Variants in FAM177A1 observed in about 807,000 individuals in gnomAD.
The protein encoded by FAM177A1 is family with sequence similarity 177 member A1.
Under a neutral mutation model 26.1 loss-of-function variants are expected in FAM177A1, and 22 were observed. The observed-to-expected ratio is 0.84, with a 90% CI of 0.60 to 1.20. FAM177A1 has a LOEUF of 1.20. Among genes scored for constraint, FAM177A1 ranks in the 50% most tolerant of loss-of-function variants. FAM177A1 has a pLI of 0.00. For missense variants in FAM177A1, 296 were observed against 291.1 expected (o/e 1.02, Z -0.12); for synonymous variants, 95 against 99.3 (o/e 0.96, Z 0.26).
rs2044865817 is a variant in FAM177A1, at chr14:35,046,508, C to T, written c.45C>T (p.Ala15=). The T allele has an allele frequency of 1.2e-6, 2 of 1,602,922 alleles. No individual in the cohort carries two copies. The highest frequency in any genetic ancestry group is 1.3e-5 in the African/African-American group (1 of 74,310). The part of the protein sequence containing the change: ...LPAITLFLTS[A]SSPVVATTMD... Reference sequence around the variant, plus strand: ...CCATTACCCTCTTTCTCACCAGCGCCAGCAGCCCTGTGGTGGCGACGACGA... The same window carrying T: ...CCATTACCCTCTTTCTCACCAGCGCTAGCAGCCCTGTGGTGGCGACGACGA... Residue 15 remains alanine (A), a synonymous_variant, in exon 1 of 5, where the codon GCC becomes GCT. Coordinates refer to ENST00000280987, the MANE Select transcript of FAM177A1 (RefSeq NM_173607.5).
rs1376674632 is a variant in FAM177A1, at chr14:35,071,608, A to G, written c.340-5542A>G. On this transcript the variant is annotated intron_variant, in intron 2 of 4. Coordinates refer to ENST00000280987, the MANE Select transcript of FAM177A1 (RefSeq NM_173607.5). ...AAAGGGCCCTATATATTCATTCTGT[A>G]TAGTTGTGTGGGATGATGATAAATG... is the stretch of plus-strand genomic sequence containing the variant. Among the ~76,000 whole-genome samples, 4 of 152,252 alleles carry G rather than the reference A, an allele frequency of 2.6e-5. No homozygotes were observed. The South Asian group carries it at 6.2e-4, about 24-fold the overall frequency.
intron 3 of FAM177A1, among the ~76,000 whole-genome samples, chr14:35,077,512 G>C (rs1202822574): frequency 1.9e-5 from 2 of 107,286 alleles, no homozygotes; most frequent in Non-Finnish European, 3.4e-5. Flanking sequence ...GTCTCGCTCT[G>C]TCGCCCAGGC....
Position 35,081,306 on chromosome 14 carries a change from G to C in FAM177A1, c.*78G>C. 2.4e-6 allele frequency: 3 copies of C among 1,276,476 alleles called. No individual in the cohort carries two copies. Among genetic ancestry groups the C allele is most frequent in the Non-Finnish European group, 3.2e-6 (3 of 933,930 alleles). The allele number at this position is 1,276,476 out of a possible 1,614,324, so 79.1% of individuals were successfully genotyped here. A position where few individuals can be genotyped will look rare whatever the true frequency, so the allele number is the denominator to read the frequency against. On this transcript the variant is annotated 3_prime_UTR_variant, in exon 5 of 5. Transcript: ENST00000280987. ...AAACTTTCACATTCTTTATTCAGTG[G>C]GACTTAATACAATTATTTATATTTT...
intron 2 of FAM177A1, among the ~76,000 whole-genome samples, chr14:35,060,056 C>G (rs959231267): frequency 6.6e-6 from 1 of 152,036 alleles, no homozygotes; most frequent in Non-Finnish European, 1.5e-5. Flanking sequence ...TCACTGCAAC[C>G]TCTGCTTCCT....
chr14:35,046,266 C>T (rs1476361051), upstream of FAM177A1: 8 of 517,704 alleles, frequency 1.5e-5, no homozygotes, highest in Non-Finnish European at 2.5e-5. Flanking sequence ...GGTAGTTGCG[C>T]CTCCCAGACT....
At chr14:35,079,172 C>A in intron 4 of FAM177A1, 148 bp downstream of exon 4, 2 of 593,744 alleles carry the variant, frequency 3.4e-6, no homozygotes, top group Non-Finnish European at 2.8e-6. Context: ...TTTCTTTTAT[C>A]AAAGTAACAT....
chr14:35,077,304 A>T, intron 3 of FAM177A1, 88 bp downstream of exon 3: 2 of 1,204,592 alleles, frequency 1.7e-6, no homozygotes, highest in Admixed American at 3.4e-5. Context: ...TCCAAACTGA[A>T]GGAGAAACAA....
At position 35,077,130 on chromosome 14, in the gene FAM177A1, A is replaced by G. The variant is rs1182607801; in HGVS notation, c.340-20A>G. On this transcript the variant is annotated intron_variant, in intron 2 of 4. Coordinates refer to ENST00000280987, the MANE Select transcript of FAM177A1 (RefSeq NM_173607.5). Reference sequence around the variant, plus strand: ...AATGAATTTAGGTATGAATGTTGCTAACATGATTTCTTGTTGCAGACAAAA... The same window carrying G: ...AATGAATTTAGGTATGAATGTTGCTGACATGATTTCTTGTTGCAGACAAAA... The G allele has an allele frequency of 3.7e-6, 6 of 1,600,028 alleles. No individual in the cohort carries two copies. Among genetic ancestry groups the G allele is most frequent in the Non-Finnish European group, 5.1e-6 (6 of 1,167,330 alleles).
At chr14:35,046,751 C>A (rs45530731) in intron 1 of FAM177A1, 123 bp downstream of exon 1, 142,036 of 1,408,264 alleles carry the variant, frequency 0.1, 7,763 homozygotes, top group Non-Finnish European at 0.11. Context: ...TGGAGTTCCT[C>A]CTCACTGCAC....
intron 2 of FAM177A1, among the ~76,000 whole-genome samples, chr14:35,058,610 C>T (rs981990554): frequency 6.6e-6 from 1 of 152,126 alleles, no homozygotes. Flanking sequence ...CATGGTGGCT[C>T]ATGCCTGTAA....
At position 35,046,819 on chromosome 14, in the gene FAM177A1, C is replaced by T. The variant is rs759464002; in HGVS notation, c.165+191C>T. 7.9e-5 allele frequency: 108 copies of T among 1,372,228 alleles called. 1 individual carries two copies. Among genetic ancestry groups the T allele is most frequent in the Non-Finnish European group, 9.5e-5 (101 of 1,064,752 alleles). The allele number at this position is 1,372,228 out of a possible 1,614,324, so 85.0% of individuals were successfully genotyped here. ...GAAGGAGCGCCCCCCGCCTCACTCA[C>T]CAACCCCTTGGCTGGCAGCACAGCA... On this transcript the variant is annotated intron_variant, in intron 1 of 4. Coordinates refer to ENST00000280987, the MANE Select transcript of FAM177A1 (RefSeq NM_173607.5).
intron 1 of FAM177A1, among the ~76,000 whole-genome samples, chr14:35,048,506 T>TA (rs2044911267): frequency 6.6e-6 from 1 of 151,250 alleles, no homozygotes; most frequent in African/African-American, 2.4e-5. Flanking sequence ...AGGTAACTAT[T>TA]AAGTTTTGGT....
At position 35,063,159 on chromosome 14, in the gene FAM177A1, C is replaced by CA. The variant is rs1247353359; in HGVS notation, c.339+9727dup. Among the ~76,000 whole-genome samples, 291 of 57,394 alleles carry CA rather than the reference C, an allele frequency of 5.1e-3. 1 individual carries two copies. The highest frequency in any genetic ancestry group is 0.033 in the South Asian group (58 of 1,772). The allele number at this position is 57,394 out of a possible 152,430, so 37.7% of individuals were successfully genotyped here. A position where few individuals can be genotyped will look rare whatever the true frequency, so the allele number is the denominator to read the frequency against. ...CTGGCAACAGAGTGAGACTCCATCT[C>CA]AAAAAAAAAAAAAAAAAAAGATCTA... On this transcript the variant is annotated intron_variant, in intron 2 of 4. Coordinates refer to ENST00000280987, the MANE Select transcript of FAM177A1 (RefSeq NM_173607.5).
At chr14:35,079,737 A>C (rs2045450782) in intron 4 of FAM177A1, among the ~76,000 whole-genome samples, 2 of 152,284 alleles carry the variant, frequency 1.3e-5, no homozygotes, top group South Asian at 4.1e-4. Flanking sequence ...AACAGCACCT[A>C]GTGAGCACAA....
intron 2 of FAM177A1, among the ~76,000 whole-genome samples, chr14:35,070,198 A>G (rs557866178): frequency 1.6e-4 from 24 of 147,108 alleles, no homozygotes; most frequent in African/African-American, 5.0e-4. Context: ...ACTCACTTCA[A>G]TTTTACCTTA....
At chr14:35,076,787 C>G (rs2045403460) in intron 2 of FAM177A1, among the ~76,000 whole-genome samples, 1 of 152,018 alleles carries the variant, frequency 6.6e-6, no homozygotes, top group Non-Finnish European at 1.5e-5. Flanking sequence ...ACTGAACACC[C>G]CCTCTGGTGT....
At chr14:35,065,610 A>G (rs1238434874) in intron 2 of FAM177A1, among the ~76,000 whole-genome samples, 1 of 151,628 alleles carries the variant, frequency 6.6e-6, no homozygotes, top group Non-Finnish European at 1.5e-5. Context: ...CCTGCTATGC[A>G]TTTCCTTCAA....
intron 1 of FAM177A1, among the ~76,000 whole-genome samples, chr14:35,047,336 A>T (rs1217432746): frequency 6.6e-6 from 1 of 152,198 alleles, no homozygotes; most frequent in African/African-American, 2.4e-5. Context: ...GTCTTTTCTA[A>T]GTCTTTTAAA....
intron 2 of FAM177A1, among the ~76,000 whole-genome samples, chr14:35,062,880 G>GTT (rs78710117): frequency 1.3e-3 from 169 of 135,042 alleles, no homozygotes; most frequent in African/African-American, 4.1e-3. Flanking sequence ...TTTATTTGCG[G>GTT]TTTTTTTTTT....
Sources: gnomAD v4.1 joint callset for allele counts (sites outside exome capture counted in the v4.1 genomes callset) on GRCh38, gnomAD v4.1.1 for gene constraint, MANE v1.5 for transcripts, NCBI Gene and HGNC (gene_info 2026-07-23, HGNC 2026-07-21) for gene names.